PPFIBP1: variants seen among roughly 807,000 people sequenced by gnomAD.
PPFIBP1 encodes the protein liprin-beta-1.
PPFIBP1 carries 112 observed loss-of-function variants against 137.8 expected under a neutral mutation model. That is an observed-to-expected ratio of 0.81 (90% CI 0.70 to 0.95). PPFIBP1 has a LOEUF of 0.95. Among genes scored for constraint, PPFIBP1 ranks in the 40% least tolerant of loss-of-function variants. The pLI, the probability that PPFIBP1 is intolerant of heterozygous loss-of-function variation, is 0.00. For missense variants in PPFIBP1, 1,083 were observed against 1,196.6 expected (o/e 0.91, Z 1.40); for synonymous variants, 378 against 417.3 (o/e 0.91, Z 1.15).
intron 24 of PPFIBP1, among the ~76,000 whole-genome samples, chr12:27,686,935 C>A (rs757325944): frequency 2.0e-5 from 3 of 152,130 alleles, no homozygotes; most frequent in South Asian, 2.1e-4. Flanking sequence ...GAGCATCATT[C>A]GCTCTTCACT....
At chr12:27,679,357 A>T in intron 19 of PPFIBP1, 132 bp from the exon 20 acceptor site, 1 of 835,072 alleles carries the variant, frequency 1.2e-6, no homozygotes, top group Non-Finnish European at 1.9e-6. Flanking sequence ...TCTAATATTT[A>T]CAAGGTGCTC....
At chr12:27,535,597 C>T (rs1332097475) in intron 1 of PPFIBP1, among the ~76,000 whole-genome samples, 1 of 152,068 alleles carries the variant, frequency 6.6e-6, no homozygotes, top group Non-Finnish European at 1.5e-5. Flanking sequence ...CAGGATCTCA[C>T]CATGTTGCTC....
chr12:27,525,884 C>T (rs1487015695), intron 1 of PPFIBP1, among the ~76,000 whole-genome samples: 2 of 152,038 alleles, frequency 1.3e-5, no homozygotes, highest in African/African-American at 2.4e-5. Flanking sequence ...TTGTTAGTTC[C>T]TGAAAAAATT....
intron 2 of PPFIBP1, among the ~76,000 whole-genome samples, chr12:27,612,223 T>C (rs2055194535): frequency 6.6e-6 from 1 of 152,004 alleles, no homozygotes; most frequent in African/African-American, 2.4e-5. Flanking sequence ...TTTTCTACTC[T>C]GGGCCTTTCC....
chr12:27,541,004 T>C (rs1945590883), intron 1 of PPFIBP1, among the ~76,000 whole-genome samples: 1 of 152,216 alleles, frequency 6.6e-6, no homozygotes. Flanking sequence ...GTTAGTGATA[T>C]GGAGGTTTAA....
At chr12:27,599,369 G>GGCACTTA (rs2137660564) in intron 2 of PPFIBP1, 1 of 442,700 alleles carries the variant, frequency 2.3e-6, no homozygotes, top group South Asian at 1.6e-5. Context: ...TACACTATCA[G>GGCACTTA]CCCTCCTGCT....
intron 13 of PPFIBP1, 62 bp from the exon 14 acceptor site, chr12:27,671,369 A>T (rs2060190066): frequency 1.1e-6 from 1 of 919,322 alleles, no homozygotes. Context: ...GTTTATTTAA[A>T]TTACTCTGTG....
intron 11 of PPFIBP1, 22 bp downstream of exon 11, chr12:27,660,967 A>G: frequency 1.9e-6 from 3 of 1,610,708 alleles, no homozygotes; most frequent in African/African-American, 1.3e-5. Flanking sequence ...AAATTTAAAT[A>G]TACGTGTGGA....
At chr12:27,620,340 C>G (rs1242124450) in intron 2 of PPFIBP1, among the ~76,000 whole-genome samples, 2 of 152,192 alleles carry the variant, frequency 1.3e-5, no homozygotes, top group African/African-American at 2.4e-5. Flanking sequence ...ACATTCCCTA[C>G]TAACCCTCTG....
intron 1 of PPFIBP1, among the ~76,000 whole-genome samples, chr12:27,528,058 C>T (rs556851128): frequency 6.6e-6 from 1 of 152,162 alleles, no homozygotes; most frequent in African/African-American, 2.4e-5. Flanking sequence ...AAATGATTCT[C>T]ATGCCTCAGG....
intron 12 of PPFIBP1, among the ~76,000 whole-genome samples, chr12:27,664,786 G>T (rs755832851): frequency 6.6e-6 from 1 of 152,228 alleles, no homozygotes; most frequent in Non-Finnish European, 1.5e-5. Flanking sequence ...GTGGTGGGCA[G>T]TGGGGAGAGG....
intron 22 of PPFIBP1, 125 bp from the exon 23 acceptor site, chr12:27,682,262 G>A: frequency 1.4e-6 from 1 of 711,740 alleles, no homozygotes; most frequent in South Asian, 1.8e-5. Context: ...AGCCCAAGTT[G>A]GGATTGTAAT....
chr12:27,626,238 C>T (rs1042901086), intron 2 of PPFIBP1, among the ~76,000 whole-genome samples: 2 of 152,076 alleles, frequency 1.3e-5, no homozygotes, highest in Admixed American at 1.3e-4. Context: ...AAATGTTGCA[C>T]GCATAAGTAC....
chr12:27,692,532 C>T (rs1056742510), intron 28 of PPFIBP1, 59 bp from the exon 29 acceptor site: 3 of 1,513,076 alleles, frequency 2.0e-6, no homozygotes, highest in Middle Eastern at 2.3e-4. Flanking sequence ...GTTCCTCCTG[C>T]TGCACTTTCC....
intron 2 of PPFIBP1, among the ~76,000 whole-genome samples, chr12:27,598,633 T>G (rs1268908091): frequency 2.6e-5 from 4 of 152,142 alleles, no homozygotes; most frequent in Non-Finnish European, 5.9e-5. Flanking sequence ...ACACAATTTC[T>G]TGCTCTAGAA....
intron 2 of PPFIBP1, among the ~76,000 whole-genome samples, chr12:27,591,047 T>G (rs2052451424): frequency 1.3e-5 from 2 of 152,154 alleles, no homozygotes; most frequent in African/African-American, 4.8e-5. Flanking sequence ...GTCATATATT[T>G]GCCTGATTTT....
At chr12:27,630,083 C>T (rs1280349994) in intron 2 of PPFIBP1, among the ~76,000 whole-genome samples, 1 of 151,984 alleles carries the variant, frequency 6.6e-6, no homozygotes, top group Non-Finnish European at 1.5e-5. Context: ...TTGTGTGTTA[C>T]TGAGTTTTTT....
chr12:27,574,122 A>G (rs1030916893), intron 1 of PPFIBP1, among the ~76,000 whole-genome samples: 3 of 152,226 alleles, frequency 2.0e-5, no homozygotes, highest in Non-Finnish European at 2.9e-5. Flanking sequence ...ACAGAAGGGC[A>G]CTGAGTCACA....
rs749217666 is a variant in PPFIBP1, at chr12:27,688,276, T to C, written c.2371-22T>C. On this transcript the variant is annotated intron_variant, in intron 25 of 29. Coordinates refer to ENST00000228425, the MANE Select transcript of PPFIBP1 (RefSeq NM_003622.4). ...AGAAAATGCAATTTAATATTTAGGA[T>C]CCTGGTTGTGTGTTCCCATAGAATA... 7 of 1,611,096 alleles carry C rather than the reference T, an allele frequency of 4.3e-6. No individual in the cohort carries two copies. The South Asian group carries it at 7.7e-5, about 18-fold the overall frequency.
Sources: gnomAD v4.1 joint callset for allele counts (sites outside exome capture counted in the v4.1 genomes callset) on GRCh38, gnomAD v4.1.1 for gene constraint, MANE v1.5 for transcripts, NCBI Gene and HGNC (gene_info 2026-07-23, HGNC 2026-07-21) for gene names.